The following MBNL1 variants were observed in gnomAD, a reference collection of about 807,000 sequenced individuals.
The protein encoded by MBNL1 is muscleblind like splicing regulator 1.
Under a neutral mutation model 42.2 loss-of-function variants are expected in MBNL1, and 8 were observed. The observed-to-expected ratio is 0.19, with a 90% CI of 0.11 to 0.34. The LOEUF is 0.34. Among genes scored for constraint, MBNL1 ranks in the 10% least tolerant of loss-of-function variants. The pLI is 1.00. For synonymous variants in MBNL1, 169 were observed against 173.9 expected, an observed-to-expected ratio of 0.97 and a Z score of 0.22; for missense variants, 309 against 495.3, an observed-to-expected ratio of 0.62 and a Z score of 3.57.
chr3:152,332,729 TGTGTGTGTGTGCGCGC>T (rs1323694729), intron 2 of MBNL1, among the ~76,000 whole-genome samples: 14 of 131,790 alleles, frequency 1.1e-4, no homozygotes, highest in African/African-American at 4.3e-4. Context: ...TGTGTGTGTG[TGTGTGTGTGTGCGCGC>T]GCGCATGCGC....
rs141940732 is a variant in MBNL1 at position 152,288,360 on chromosome 3, G to C, written c.-789-11045G>C. Among the ~76,000 whole-genome samples, 490 of 152,242 alleles carry C rather than the reference G, an allele frequency of 3.2e-3. 5 individuals carry two copies. The highest frequency in any genetic ancestry group is 0.015 in the South Asian group (72 of 4,824). On this transcript the variant is annotated intron_variant, in intron 1 of 9. Transcript: ENST00000324210. ...GGGAGACTCCCCACTCCTGACTCAG[G>C]AATGACTGCGAGTGGAACCCCCGCC...
chr3:152,245,166 C>A (rs1378548495), intron 2 of MBNL1, among the ~76,000 whole-genome samples: 1 of 152,048 alleles, frequency 6.6e-6, no homozygotes, highest in Non-Finnish European at 1.5e-5. Flanking sequence ...TGAAACTGAT[C>A]TTATTAGTGA....
At chr3:152,358,946 A>G (rs906635956) in intron 2 of MBNL1, among the ~76,000 whole-genome samples, 10 of 152,196 alleles carry the variant, frequency 6.6e-5, no homozygotes, top group African/African-American at 2.4e-4. Flanking sequence ...CACATGCTTT[A>G]GGAAGATATC....
chr3:152,446,313 G>A (rs2099224291), intron 5 of MBNL1, among the ~76,000 whole-genome samples: 1 of 151,998 alleles, frequency 6.6e-6, no homozygotes, highest in South Asian at 2.1e-4. Context: ...CATTTTAAAA[G>A]TCACTGTGTA....
intron 4 of MBNL1, among the ~76,000 whole-genome samples, chr3:152,438,954 C>A (rs1164249661): frequency 1.3e-5 from 2 of 152,138 alleles, no homozygotes; most frequent in African/African-American, 4.8e-5. Context: ...ATTCCAGACA[C>A]TGATGAAAAC....
chr3:152,378,630 A>G (rs1455666023), intron 2 of MBNL1, among the ~76,000 whole-genome samples: 8 of 152,146 alleles, frequency 5.3e-5, no homozygotes, highest in Non-Finnish European at 1.2e-4. Flanking sequence ...GGCTTTTTAC[A>G]ATTCCAATAA....
intron 2 of MBNL1, among the ~76,000 whole-genome samples, chr3:152,348,430 C>T (rs1483300204): frequency 6.6e-6 from 1 of 152,022 alleles, no homozygotes; most frequent in East Asian, 1.9e-4. Flanking sequence ...GGAAACAATA[C>T]TTATTTGAAA....
chr3:152,308,249 C>T (rs569668147), intron 2 of MBNL1, among the ~76,000 whole-genome samples: 4 of 152,174 alleles, frequency 2.6e-5, no homozygotes, highest in African/African-American at 9.6e-5. Context: ...GTTATCTTAT[C>T]ATAAATCTTG....
chr3:152,267,811 C>T (rs965284182), upstream of MBNL1: 1 of 152,190 alleles, frequency 6.6e-6, no homozygotes, highest in Non-Finnish European at 1.5e-5. Context: ...GTTTTTCCTT[C>T]ACCTCGAGCT....
intron 6 of MBNL1, among the ~76,000 whole-genome samples, chr3:152,450,377 A>T (rs564453720): frequency 2.6e-5 from 4 of 152,270 alleles, no homozygotes; most frequent in Non-Finnish European, 5.9e-5. Flanking sequence ...TGGCATGAAA[A>T]GGTTAAAATG....
intron 2 of MBNL1, among the ~76,000 whole-genome samples, chr3:152,334,779 T>C (rs934724700): frequency 6.6e-6 from 1 of 152,206 alleles, no homozygotes; most frequent in Non-Finnish European, 1.5e-5. Context: ...AAAGGATTCA[T>C]CAAGTCTTCC....
intron 2 of MBNL1, among the ~76,000 whole-genome samples, chr3:152,330,284 T>C (rs1285218256): frequency 6.6e-6 from 1 of 152,168 alleles, no homozygotes; most frequent in African/African-American, 2.4e-5. Context: ...AGCTAAAATG[T>C]ACTTTAAATA....
chr3:152,297,643 T>G (rs928554852), intron 1 of MBNL1, among the ~76,000 whole-genome samples: 1 of 151,300 alleles, frequency 6.6e-6, no homozygotes, highest in Non-Finnish European at 1.5e-5. Context: ...TATGAGCCAC[T>G]GTGCCCAGCC....
At chr3:152,286,465 TTTTATTTATAATATAAA>T (rs1204359008) in intron 1 of MBNL1, among the ~76,000 whole-genome samples, 254 of 140,210 alleles carry the variant, frequency 1.8e-3, no homozygotes, top group Non-Finnish European at 2.8e-3. Context: ...TATAAATATA[TTTTATTTATAATATAAA>T]TATATTTTAT....
chr3:152,276,535 T>G (rs2045314665), intron 1 of MBNL1, among the ~76,000 whole-genome samples: 1 of 152,068 alleles, frequency 6.6e-6, no homozygotes, highest in Non-Finnish European at 1.5e-5. Flanking sequence ...CTTGAGAACA[T>G]AAACGTTTGG....
chr3:152,425,444 T>G (rs570403593), intron 3 of MBNL1, among the ~76,000 whole-genome samples: 53 of 151,870 alleles, frequency 3.5e-4, no homozygotes, highest in African/African-American at 1.2e-3. Context: ...CTGTCTCTAC[T>G]AAAGATACAA....
chr3:152,317,438 A>G (rs1333188962), intron 2 of MBNL1, among the ~76,000 whole-genome samples: 2 of 151,848 alleles, frequency 1.3e-5, no homozygotes, highest in Non-Finnish European at 2.9e-5. Context: ...TCCCGCCTCA[A>G]TCTCCTGAGT....
At chr3:152,307,164 A>G (rs768326411) in intron 2 of MBNL1, among the ~76,000 whole-genome samples, 1 of 151,956 alleles carries the variant, frequency 6.6e-6, no homozygotes, top group Non-Finnish European at 1.5e-5. Context: ...TAATTTTTGC[A>G]TTTTTAGTAG....
intron 2 of MBNL1, among the ~76,000 whole-genome samples, chr3:152,325,032 C>T (rs1033967441): frequency 7.4e-6 from 1 of 135,320 alleles, no homozygotes; most frequent in Non-Finnish European, 1.5e-5. Flanking sequence ...TTATTAGCCA[C>T]ATTGACCTGT....
Sources: allele counts gnomAD v4.1 joint callset (sites outside exome capture counted in the v4.1 genomes callset), GRCh38; gene constraint gnomAD v4.1.1; transcripts MANE v1.5; gene names NCBI Gene and HGNC (gene_info 2026-07-23, HGNC 2026-07-21).